The following ACSL3 variants were observed in gnomAD, a reference collection of about 807,000 sequenced individuals.
The protein encoded by ACSL3 is fatty acid CoA ligase Acsl3.
In ACSL3, 34 loss-of-function variants were observed where a neutral mutation model predicts 84.7. The ratio of observed to expected loss-of-function variants is 0.40; its 90% CI spans 0.31 to 0.53. The LOEUF (loss-of-function observed/expected upper bound fraction) is 0.53. Ranked by LOEUF, ACSL3 falls within the 20% of genes least tolerant of loss-of-function variation. The probability of loss-of-function intolerance (pLI) is 0.48; values close to 1 mark genes in which losing one functional copy is unlikely to be tolerated. For missense variants in ACSL3, 680 were observed against 873.1 expected (o/e 0.78, Z 2.79); for synonymous variants, 315 against 299.4 (o/e 1.05, Z -0.54).
chr2:222,921,132 T>G, intron 7 of ACSL3, 148 bp from the exon 8 acceptor site: 1 of 857,330 alleles, frequency 1.2e-6, no homozygotes. Flanking sequence ...TGATCTGTTT[T>G]GTTGATCTCA....
intron 11 of ACSL3, among the ~76,000 whole-genome samples, chr2:222,925,410 C>G (rs1273584540): frequency 4.0e-5 from 6 of 150,790 alleles, no homozygotes; most frequent in Admixed American, 6.6e-5. Context: ...AAATCAAGAC[C>G]AGCCTGGGCA....
chr2:222,886,121 G>A (rs913934380), intron 1 of ACSL3, among the ~76,000 whole-genome samples: 4 of 151,438 alleles, frequency 2.6e-5, no homozygotes, highest in Admixed American at 2.6e-4. Flanking sequence ...ACATGTATAC[G>A]TAGGTACACA....
intron 7 of ACSL3, chr2:222,920,959 A>G (rs1466606952): frequency 1.8e-5 from 9 of 493,684 alleles, no homozygotes; most frequent in Non-Finnish European, 3.3e-5. Flanking sequence ...TCCTCACTTT[A>G]TTCAGGCCTT....
chr2:222,862,456 C>T (rs1559271232), intron 1 of ACSL3, among the ~76,000 whole-genome samples: 2 of 152,156 alleles, frequency 1.3e-5, no homozygotes, highest in Admixed American at 6.5e-5. Context: ...TTGATGATAC[C>T]TTCTTTCATG....
chr2:222,892,286 G>T (rs1161141962), intron 2 of ACSL3, among the ~76,000 whole-genome samples: 2 of 152,152 alleles, frequency 1.3e-5, no homozygotes, highest in Non-Finnish European at 2.9e-5. Context: ...TCGGGAGGGA[G>T]GCAGCAGGAT....
At chr2:222,932,411 C>G (rs1320877604) in intron 14 of ACSL3, among the ~76,000 whole-genome samples, 1 of 152,224 alleles carries the variant, frequency 6.6e-6, no homozygotes, top group South Asian at 2.1e-4. Flanking sequence ...TCACTGCAAC[C>G]TCTGTCTCCT....
chr2:222,931,482 A>G (rs1390914783), intron 14 of ACSL3, among the ~76,000 whole-genome samples: 1 of 152,016 alleles, frequency 6.6e-6, no homozygotes, highest in Non-Finnish European at 1.5e-5. Flanking sequence ...AGGAGACTCA[A>G]GACTGTTCTC....
At chr2:222,916,600 G>A (rs1574552581) in intron 5 of ACSL3, 104 bp downstream of exon 5, 1 of 1,264,200 alleles carries the variant, frequency 7.9e-7, no homozygotes. Flanking sequence ...TTCACCCAGT[G>A]TCCAGTTAGT....
Position 222,941,839 on chromosome 2 carries a change from T to G in ACSL3, c.*185T>G. On this transcript the variant is annotated 3_prime_UTR_variant, in exon 17 of 17. Coordinates refer to ENST00000357430, the MANE Select transcript of ACSL3 (RefSeq NM_004457.5). The stretch of plus-strand genomic sequence containing the variant: ...AAGACAGCAAACTTGTGTCTGTCTC[T>G]TCTTTCATTTTCCCCGCCACCAACT... The G allele has an allele frequency of 1.7e-6, 1 of 572,450 alleles. No individual in the cohort carries two copies. Among genetic ancestry groups the G allele is most frequent in the East Asian group, 3.2e-5 (1 of 31,494 alleles). The allele number at this position is 572,450 out of a possible 1,614,324, so 35.5% of individuals were successfully genotyped here.
Position 222,908,810 on chromosome 2 carries a change from A to G in ACSL3, c.38A>G (p.Lys13Arg). The change falls in exon 4 of 17, where the codon AAG (lysine) becomes AGG (arginine). Residue 13 changes from lysine (K) to arginine (R), a missense_variant. Physicochemically the swap from Lys to Arg is conservative, Grantham distance 26 (BLOSUM62 2). This residue lies in a region of ACSL3 where 333 missense variants were observed against 347.5 expected (regional missense o/e 0.96). Coordinates refer to ENST00000357430, the MANE Select transcript of ACSL3 (RefSeq NM_004457.5). ...NHVSSKPSTMKLKHTINPILL... is the reference protein window; with the variant it reads ...NHVSSKPSTMRLKHTINPILL... ...GTGTCTTCAAAACCATCTACCATGA[A>G]GCTAAAACATACCATCAACCCTATT... 6.2e-7 allele frequency: 1 copy of G among 1,605,320 alleles called. No individual in the cohort carries two copies. The highest frequency in any genetic ancestry group is 8.5e-7 in the Non-Finnish European group (1 of 1,177,402).
chr2:222,866,968 G>A (rs1226040882), intron 1 of ACSL3, among the ~76,000 whole-genome samples: 1 of 151,552 alleles, frequency 6.6e-6, no homozygotes, highest in African/African-American at 2.4e-5. Context: ...CCGAGGAGCT[G>A]GAATTACAAG....
At chr2:222,919,818 CT>C in intron 7 of ACSL3, among the ~76,000 whole-genome samples, 1 of 152,282 alleles carries the variant, frequency 6.6e-6, no homozygotes, top group East Asian at 1.9e-4. Context: ...TTTTAGGCAC[CT>C]GGAATTTGAG....
chr2:222,930,736 A>C lies in ACSL3; in HGVS notation c.1656A>C (p.Glu552Asp), dbSNP rs755713952. The change falls in exon 14 of 17, where the codon GAA becomes GAC. Residue 552 changes from glutamate (E) to aspartate (D), a missense_variant. Physicochemically the swap from Glu to Asp is conservative, Grantham distance 45. This residue lies in a region of ACSL3 where 347 missense variants were observed against 525.7 expected (regional missense o/e 0.66). Coordinates refer to ENST00000357430, the MANE Select transcript of ACSL3 (RefSeq NM_004457.5). ...NEAKTKADFF[E>D]DENGQRWLCT... Reference sequence around the variant, plus strand: ...CAAAAACAAAAGCTGATTTCTTTGAAGATGAAAATGGACAAAGGTGGCTCT... The same window carrying C: ...CAAAAACAAAAGCTGATTTCTTTGACGATGAAAATGGACAAAGGTGGCTCT... The C allele has an allele frequency of 6.2e-7, 1 of 1,614,206 alleles. No individual in the cohort carries two copies. Among genetic ancestry groups the C allele is most frequent in the Admixed American group, 1.7e-5 (1 of 60,024 alleles).
At chr2:222,887,367 T>G (rs149855275) in intron 1 of ACSL3, among the ~76,000 whole-genome samples, 1 of 152,246 alleles carries the variant, frequency 6.6e-6, no homozygotes, top group Non-Finnish European at 1.5e-5. Context: ...TTGGCAATTA[T>G]GAATCAAACT....
chr2:222,908,212 A>G (rs1574545379), intron 3 of ACSL3, among the ~76,000 whole-genome samples: 1 of 152,238 alleles, frequency 6.6e-6, no homozygotes, highest in African/African-American at 2.4e-5. Flanking sequence ...CTTGAAAACT[A>G]TCTGTAGAGC....
At chr2:222,880,013 C>T (rs1422148232) in intron 1 of ACSL3, among the ~76,000 whole-genome samples, 1 of 151,824 alleles carries the variant, frequency 6.6e-6, no homozygotes, top group Non-Finnish European at 1.5e-5. Context: ...TCAGCTACTA[C>T]CTCTGTTAAA....
intron 2 of ACSL3, among the ~76,000 whole-genome samples, chr2:222,894,642 A>T (rs559409216): frequency 6.6e-6 from 1 of 152,330 alleles, no homozygotes; most frequent in Non-Finnish European, 1.5e-5. Context: ...TAATGGACTT[A>T]GACCTGCATT....
At chr2:222,886,251 A>G (rs886807645) in intron 1 of ACSL3, among the ~76,000 whole-genome samples, 2 of 151,994 alleles carry the variant, frequency 1.3e-5, no homozygotes, top group African/African-American at 4.8e-5. Context: ...TACAGGCCCA[A>G]GTGTATGATG....
chr2:222,869,359 G>GTCTTCTCT (rs1695239285), intron 1 of ACSL3, among the ~76,000 whole-genome samples: 1 of 152,152 alleles, frequency 6.6e-6, no homozygotes, highest in Non-Finnish European at 1.5e-5. Flanking sequence ...TGGCTCCCCT[G>GTCTTCTCT]TCTTCTCTTG....
Sources: allele counts gnomAD v4.1 joint callset (sites outside exome capture counted in the v4.1 genomes callset), GRCh38; gene constraint gnomAD v4.1.1; regional missense constraint gnomAD v4.1.1; transcripts MANE v1.5; gene names NCBI Gene and HGNC (gene_info 2026-07-23, HGNC 2026-07-21).